Variants in CLIP4 observed in about 807,000 individuals in gnomAD.
CLIP4 encodes the protein CAP-Gly domain-containing linker protein 4.
Under a neutral mutation model 73.1 loss-of-function variants are expected in CLIP4, and 47 were observed. That is an observed-to-expected ratio of 0.64 (90% CI 0.51 to 0.82). The LOEUF (loss-of-function observed/expected upper bound fraction) is 0.82. Among genes scored for constraint, CLIP4 ranks in the 40% least tolerant of loss-of-function variants. The probability of loss-of-function intolerance (pLI) is 0.00; values close to 1 mark genes in which losing one functional copy is unlikely to be tolerated. For synonymous variants in CLIP4, 306 were observed against 295.4 expected (o/e 1.04, Z -0.37); for missense variants, 874 against 852.9 (o/e 1.02, Z -0.31).
intron 8 of CLIP4, among the ~76,000 whole-genome samples, chr2:29,146,243 C>G (rs963804492): frequency 3.0e-4 from 46 of 152,180 alleles, no homozygotes; most frequent in Admixed American, 1.5e-3. Flanking sequence ...AGGGGCACGC[C>G]CAGCTCTGCA....
intron 3 of CLIP4, 165 bp from the exon 4 acceptor site, chr2:29,131,987 A>G: frequency 1.9e-6 from 1 of 515,442 alleles, no homozygotes; most frequent in Non-Finnish European, 3.4e-6. Flanking sequence ...ATTGTTGTTG[A>G]GTACAGATTT....
In CLIP4 at chr2:29,183,642, G is replaced by C. The variant is rs13404347; in HGVS notation, c.*1749G>C. The C allele has an allele frequency of 6.6e-6, 1 of 152,576 alleles. No homozygotes were observed. Among genetic ancestry groups the C allele is most frequent in the African/African-American group, 2.4e-5 (1 of 41,438 alleles). 9.5% of individuals were successfully genotyped at this position (152,576 alleles called of 1,614,324 possible). ...ATTTATTTTTGAGGTCAAAGAACCA[G>C]TTGTTCTCTTTATATTTAGATGAGG... On this transcript the variant is annotated 3_prime_UTR_variant, in exon 16 of 16. Transcript: ENST00000320081.
chr2:29,101,322 A>C (rs942412443), intron 1 of CLIP4, among the ~76,000 whole-genome samples: 6 of 151,876 alleles, frequency 4.0e-5, no homozygotes, highest in African/African-American at 1.5e-4. Context: ...GAAAAAAAAA[A>C]AAAGTAGGGA....
chr2:29,143,859 C>G lies in CLIP4; in HGVS notation c.799C>G (p.Pro267Ala). The change falls in exon 7 of 16, where the codon CCA (proline) becomes GCA (alanine). Residue 267 changes from proline (P) to alanine (A), a missense_variant. Coordinates refer to ENST00000320081, the MANE Select transcript of CLIP4 (RefSeq NM_024692.6). Reference protein sequence around the residue: ...LSCNISKAMLPNYDHVTGKAM... With the variant: ...LSCNISKAMLANYDHVTGKAM... ...ATGTAACATCTCAAAGGCCATGCTCCCAAATTATGATCATGTCACTGGCAA... is the reference window on the plus strand; with the variant it reads ...ATGTAACATCTCAAAGGCCATGCTCGCAAATTATGATCATGTCACTGGCAA... 1 of 1,614,148 alleles carries G rather than the reference C, an allele frequency of 6.2e-7. No homozygotes were observed. The highest frequency in any genetic ancestry group is 8.5e-7 in the Non-Finnish European group (1 of 1,180,022).
intron 13 of CLIP4, among the ~76,000 whole-genome samples, chr2:29,166,530 G>GACACACACAC (rs55833657): frequency 6.8e-5 from 10 of 146,914 alleles, no homozygotes; most frequent in African/African-American, 1.0e-4. Flanking sequence ...TACACACACA[G>GACACACACAC]ACACACACAC....
At chr2:29,130,765 A>G (rs1664915644) in intron 2 of CLIP4, 1 of 1,278,184 alleles carries the variant, frequency 7.8e-7, no homozygotes, top group Admixed American at 2.4e-5. Context: ...TGACTCTAGA[A>G]GTAAGAACTA....
chr2:29,107,464 C>G (rs997686375), intron 1 of CLIP4, among the ~76,000 whole-genome samples: 1 of 148,488 alleles, frequency 6.7e-6, no homozygotes, highest in East Asian at 2.0e-4. Flanking sequence ...CTCCGCCTCC[C>G]GGGTTCATGC....
At chr2:29,163,753 C>T (rs1206507975) in intron 12 of CLIP4, 78 bp from the exon 13 acceptor site, 3 of 1,397,304 alleles carry the variant, frequency 2.1e-6, no homozygotes, top group Admixed American at 4.9e-5. Context: ...TAAAACACCT[C>T]GACTTTGGTT....
intron 2 of CLIP4, among the ~76,000 whole-genome samples, chr2:29,121,993 A>T (rs1451995044): frequency 6.6e-6 from 1 of 152,158 alleles, no homozygotes. Flanking sequence ...CTTCTCATCT[A>T]TTTAGGCTTA....
intron 6 of CLIP4, 143 bp from the exon 7 acceptor site, chr2:29,143,566 G>A: frequency 3.1e-6 from 2 of 641,612 alleles, no homozygotes; most frequent in East Asian, 2.6e-5. Context: ...AATGGTGTCT[G>A]CATATTGTAG....
chr2:29,151,660 C>G (rs144492171), intron 8 of CLIP4, among the ~76,000 whole-genome samples: 5 of 152,064 alleles, frequency 3.3e-5, no homozygotes, highest in Admixed American at 2.0e-4. Context: ...TACAGAGTCT[C>G]GAGCATTTCT....
intron 8 of CLIP4, among the ~76,000 whole-genome samples, chr2:29,145,822 C>T (rs1435506370): frequency 6.6e-6 from 1 of 152,246 alleles, no homozygotes; most frequent in Non-Finnish European, 1.5e-5. Context: ...GCTGGGATTA[C>T]AGGCATTTGC....
In CLIP4 at chr2:29,151,815, C is replaced by T. The variant is rs1019956458; in HGVS notation, c.1022-870C>T. Among the ~76,000 whole-genome samples, 8 of 152,184 alleles carry T rather than the reference C, an allele frequency of 5.3e-5. No individual in the cohort carries two copies. The South Asian group carries it at 8.3e-4, about 16-fold the overall frequency. ...TTTAAATATCTTAGCCAGATTATTT[C>T]GGTATTTATAGTCTGTATTCACTAT... On this transcript the variant is annotated intron_variant, in intron 8 of 15. Transcript: ENST00000320081.
intron 2 of CLIP4, among the ~76,000 whole-genome samples, chr2:29,125,204 C>T (rs1185392344): frequency 2.0e-5 from 3 of 152,172 alleles, no homozygotes; most frequent in African/African-American, 7.2e-5. Context: ...TACTGGTCCC[C>T]CTACCCCGGC....
intron 14 of CLIP4, 131 bp from the exon 15 acceptor site, chr2:29,174,242 A>T: frequency 2.5e-6 from 2 of 813,736 alleles, no homozygotes; most frequent in Non-Finnish European, 3.8e-6. Context: ...GTGAGCCACC[A>T]TGCCAGCCTG....
intron 8 of CLIP4, among the ~76,000 whole-genome samples, chr2:29,150,132 G>A (rs1666453979): frequency 6.6e-6 from 1 of 152,180 alleles, no homozygotes; most frequent in East Asian, 1.9e-4. Flanking sequence ...CTACATCCTA[G>A]GCAATTCCAC....
In CLIP4 at chr2:29,163,953, AG is replaced by A. The variant is rs766438207; in HGVS notation, c.1658+1del. On this transcript the variant is annotated frameshift_variant and splice_region_variant, in exon 13 of 16. Coordinates refer to ENST00000320081, the MANE Select transcript of CLIP4 (RefSeq NM_024692.6). LOFTEE classifies it high-confidence loss of function. ...GIFAPPSRVQ[R>X]VTDSLDTLSE... ...ATTTGCTCCCCCATCCAGGGTGCAA[AG>A]GTGAGAGAATGAAATTTATGTTTAT... The A allele has an allele frequency of 8.7e-6, 14 of 1,609,884 alleles. No homozygotes were observed. The highest frequency in any genetic ancestry group is 8.5e-7 in the Non-Finnish European group (1 of 1,178,514).
chr2:29,146,805 C>A (rs963160140), intron 8 of CLIP4, among the ~76,000 whole-genome samples: 5 of 152,140 alleles, frequency 3.3e-5, no homozygotes, highest in African/African-American at 1.2e-4. Context: ...AGGGATGACA[C>A]TATCATAAGG....
chr2:29,120,728 A>T (rs1664195429), intron 1 of CLIP4, among the ~76,000 whole-genome samples: 1 of 152,034 alleles, frequency 6.6e-6, no homozygotes, highest in African/African-American at 2.4e-5. Flanking sequence ...TTTAGAGCAA[A>T]TTTATTCTAA....
Sources: gnomAD v4.1 joint callset for allele counts (sites outside exome capture counted in the v4.1 genomes callset) on GRCh38, gnomAD v4.1.1 for gene constraint, MANE v1.5 for transcripts, NCBI Gene and HGNC (gene_info 2026-07-23, HGNC 2026-07-21) for gene names.